Variants in KCTD16 observed in about 807,000 individuals in gnomAD.
KCTD16 encodes the protein potassium channel tetramerization domain containing 16, also known as BTB/POZ domain-containing protein KCTD16.
In KCTD16, 13 loss-of-function variants were observed where a neutral mutation model predicts 33.2. The observed-to-expected ratio is 0.39, with a 90% confidence interval of 0.25 to 0.62. The LOEUF is 0.62. Among genes scored for constraint, KCTD16 ranks in the 20% least tolerant of loss-of-function variants. The pLI is 0.50. For missense variants in KCTD16, 441 were observed against 525.1 expected (o/e 0.84, Z 1.57); for synonymous variants, 197 against 195.3 (o/e 1.01, Z -0.07).
At chr5:144,179,992 T>A (rs1161086597) in intron 2 of KCTD16, among the ~76,000 whole-genome samples, 1 of 152,238 alleles carries the variant, frequency 6.6e-6, no homozygotes, top group African/African-American at 2.4e-5. Flanking sequence ...GCATCAGTCC[T>A]CTGCCTGGAG....
chr5:144,361,812 A>C (rs1751719409), intron 3 of KCTD16, among the ~76,000 whole-genome samples: 1 of 152,164 alleles, frequency 6.6e-6, no homozygotes, highest in South Asian at 2.1e-4. Context: ...TAGCTAAAAA[A>C]GTCCCATAAA....
intron 3 of KCTD16, among the ~76,000 whole-genome samples, chr5:144,294,370 ACAGTTTG>A (rs1239086081): frequency 2.0e-5 from 3 of 152,202 alleles, no homozygotes; most frequent in Admixed American, 2.0e-4. Context: ...ATAATTCAGT[ACAGTTTG>A]CTTTTTAACT....
chr5:144,387,226 T>C (rs1752345816), intron 3 of KCTD16, among the ~76,000 whole-genome samples: 1 of 150,904 alleles, frequency 6.6e-6, no homozygotes, highest in Non-Finnish European at 1.5e-5. Flanking sequence ...GATCTTCTGC[T>C]TCAGACTCCC....
Position 144,330,173 on chromosome 5 carries a change from G to A in KCTD16, c.832+122627G>A, listed in dbSNP as rs564102877. The stretch of plus-strand genomic sequence containing the variant: ...CACGCCTGTAATCCCAGCACTTTGG[G>A]AGGCCAAGGTGGGTGGATCACCTGA... On this transcript the variant is annotated intron_variant, in intron 3 of 3. Transcript: ENST00000512467. Among the ~76,000 whole-genome samples the A allele has an allele frequency of 3.3e-5, 5 of 152,242 alleles. No individual in the cohort carries two copies. In the South Asian group the frequency reaches 1.0e-3, roughly 32 times the overall value.
At chr5:144,209,827 A>AC (rs1753313592) in intron 3 of KCTD16, among the ~76,000 whole-genome samples, 1 of 144,588 alleles carries the variant, frequency 6.9e-6, no homozygotes, top group Non-Finnish European at 1.5e-5. Context: ...TATATATATA[A>AC]ATATATATAT....
chr5:144,465,359 T>G (rs1754305383), intron 3 of KCTD16, among the ~76,000 whole-genome samples: 2 of 152,184 alleles, frequency 1.3e-5, no homozygotes, highest in Admixed American at 1.3e-4. Context: ...TTTTCCCAGA[T>G]GATAGACTGT....
intron 3 of KCTD16, among the ~76,000 whole-genome samples, chr5:144,412,168 T>C (rs1009229485): frequency 2.0e-5 from 3 of 152,222 alleles, no homozygotes; most frequent in Non-Finnish European, 4.4e-5. Context: ...ATTCCACTAC[T>C]GTGTGCATAT....
intron 3 of KCTD16, among the ~76,000 whole-genome samples, chr5:144,366,823 G>A (rs1039106183): frequency 6.6e-6 from 1 of 151,170 alleles, no homozygotes; most frequent in Non-Finnish European, 1.5e-5. Flanking sequence ...CCACTCAGAT[G>A]GATGATGCCG....
intron 3 of KCTD16, among the ~76,000 whole-genome samples, chr5:144,463,406 TC>T: frequency 6.6e-6 from 1 of 152,234 alleles, no homozygotes; most frequent in Non-Finnish European, 1.5e-5. Context: ...TCAATTGTCT[TC>T]TAAAAACTTA....
intron 3 of KCTD16, among the ~76,000 whole-genome samples, chr5:144,322,725 A>AT (rs201914478): frequency 0.053 from 7,974 of 150,620 alleles, 702 homozygotes; most frequent in African/African-American, 0.18. Context: ...CATAAACTTT[A>AT]TTAAAAAAAA....
intron 3 of KCTD16, among the ~76,000 whole-genome samples, chr5:144,436,571 T>C (rs1377323181): frequency 1.3e-5 from 2 of 151,360 alleles, no homozygotes; most frequent in Non-Finnish European, 2.9e-5. Context: ...TAGAAAATAT[T>C]GGGGAAAGTG....
chr5:144,242,319 G>A (rs1215109977), intron 3 of KCTD16, among the ~76,000 whole-genome samples: 1 of 151,916 alleles, frequency 6.6e-6, no homozygotes, highest in East Asian at 1.9e-4. Context: ...TGTAGAAAAT[G>A]ATAAGCATTT....
At chr5:144,387,867 C>A (rs1752360144) in intron 3 of KCTD16, among the ~76,000 whole-genome samples, 1 of 152,038 alleles carries the variant, frequency 6.6e-6, no homozygotes, top group South Asian at 2.1e-4. Context: ...AGAGCCCCTT[C>A]CCCCTTTTTA....
At position 144,303,742 on chromosome 5, in the gene KCTD16, C is replaced by T. The variant is rs1751508169; in HGVS notation, c.832+96196C>T. The stretch of plus-strand genomic sequence containing the variant: ...GATCCAGGTTGGGGCTCAGGCTCTC[C>T]AGTAAGTGGCTCTGTGAGGCTGGGG... On this transcript the variant is annotated intron_variant, in intron 3 of 3. Coordinates refer to ENST00000512467, the MANE Select transcript of KCTD16 (RefSeq NM_020768.4). Among the ~76,000 whole-genome samples the T allele has an allele frequency of 3.3e-5, 5 of 152,276 alleles. No individual in the cohort carries two copies. In the South Asian group the frequency reaches 1.0e-3, roughly 32 times the overall value.
chr5:144,431,519 G>T (rs1214127739), intron 3 of KCTD16, among the ~76,000 whole-genome samples: 4 of 152,154 alleles, frequency 2.6e-5, no homozygotes, highest in African/African-American at 9.7e-5. Flanking sequence ...TTTAACAGAT[G>T]AGTGGCCCTT....
intron 3 of KCTD16, among the ~76,000 whole-genome samples, chr5:144,370,779 G>A (rs966530158): frequency 6.6e-6 from 1 of 152,120 alleles, no homozygotes; most frequent in Non-Finnish European, 1.5e-5. Flanking sequence ...TCCCTTGCTT[G>A]CTGGAGTCAC....
At chr5:144,399,731 T>C (rs1752660341) in intron 3 of KCTD16, among the ~76,000 whole-genome samples, 2 of 152,174 alleles carry the variant, frequency 1.3e-5, no homozygotes, top group South Asian at 4.1e-4. Context: ...CAAAAATTAT[T>C]ATGATATTCT....
intron 3 of KCTD16, among the ~76,000 whole-genome samples, chr5:144,455,311 G>T (rs1580978048): frequency 6.6e-6 from 1 of 152,212 alleles, no homozygotes; most frequent in Middle Eastern, 3.4e-3. Context: ...GCCAGAATCT[G>T]TGCCATACTT....
chr5:144,227,345 G>T, intron 3 of KCTD16, among the ~76,000 whole-genome samples: 1 of 152,186 alleles, frequency 6.6e-6, no homozygotes. Flanking sequence ...AAGGTCCTGA[G>T]GTTGGAGAGT....
Sources: gnomAD v4.1 joint callset for allele counts (sites outside exome capture counted in the v4.1 genomes callset) on GRCh38, gnomAD v4.1.1 for gene constraint, MANE v1.5 for transcripts, NCBI Gene and HGNC (gene_info 2026-07-23, HGNC 2026-07-21) for gene names.